Variants in SCN11A observed in about 807,000 individuals in gnomAD.
SCN11A encodes sodium channel protein type 11 subunit alpha.
SCN11A carries 122 observed loss-of-function variants against 162.2 expected under a neutral mutation model. That is an observed-to-expected ratio of 0.75 (90% CI 0.65 to 0.87). The LOEUF is 0.87. Ranked by LOEUF, SCN11A falls within the 40% of genes least tolerant of loss-of-function variation. SCN11A has a pLI of 0.00. For missense variants in SCN11A, 2,015 were observed against 2,181.6 expected (o/e 0.92, Z 1.52); for synonymous variants, 758 against 751.5 (o/e 1.01, Z -0.14).
chr3:39,004,135 AG>A (rs1226165814), intron 2 of SCN11A, among the ~76,000 whole-genome samples: 1 of 152,092 alleles, frequency 6.6e-6, no homozygotes, highest in Non-Finnish European at 1.5e-5. Flanking sequence ...GTTGTCTGCC[AG>A]GGTTTTTATA....
chr3:39,010,294 A>G (rs533545664), intron 2 of SCN11A, among the ~76,000 whole-genome samples: 1 of 152,202 alleles, frequency 6.6e-6, no homozygotes, highest in African/African-American at 2.4e-5. Context: ...CTGTGGAATT[A>G]TTTGACTCTA....
chr3:39,029,054 C>T (rs1037159356), intron 2 of SCN11A, among the ~76,000 whole-genome samples: 1 of 152,218 alleles, frequency 6.6e-6, no homozygotes, highest in Non-Finnish European at 1.5e-5. Flanking sequence ...TTCATTTAAT[C>T]TGTCATGGTC....
chr3:38,859,361 C>T (rs1008084654), intron 28 of SCN11A, among the ~76,000 whole-genome samples: 6 of 151,726 alleles, frequency 4.0e-5, no homozygotes, highest in East Asian at 1.9e-4. Context: ...CACAGAAATA[C>T]GAAAGATCAT....
At chr3:39,047,043 C>T (rs1407432494) in intron 1 of SCN11A, among the ~76,000 whole-genome samples, 2 of 63,914 alleles carry the variant, frequency 3.1e-5, no homozygotes, top group Non-Finnish European at 6.0e-5. Context: ...CCCCCACCCC[C>T]ATCCCCCCAC....
chr3:38,944,412 C>T lies in SCN11A; in HGVS notation c.488+999G>A, dbSNP rs918009206. 1.8e-4 allele frequency among the ~76,000 whole-genome samples: 27 copies of T among 151,724 alleles called. No homozygotes were observed. The South Asian group carries it at 3.3e-3, about 19-fold the overall frequency. On this transcript the variant is annotated intron_variant, in intron 7 of 29. Transcript: ENST00000302328. Reference sequence around the variant, plus strand: ...GGCTCACTGGGCTCACTGCAAGCTCCGCCTCCCAGGTTCATGCCATTCTCC... The same window carrying T: ...GGCTCACTGGGCTCACTGCAAGCTCTGCCTCCCAGGTTCATGCCATTCTCC...
chr3:38,972,343 C>G (rs1039400923), intron 2 of SCN11A, among the ~76,000 whole-genome samples: 1 of 152,132 alleles, frequency 6.6e-6, no homozygotes, highest in African/African-American at 2.4e-5. Context: ...GGTCCTTTTA[C>G]CTATGCTCTG....
At chr3:38,942,143 CAGG>C (rs965410126) in intron 7 of SCN11A, among the ~76,000 whole-genome samples, 43 of 151,948 alleles carry the variant, frequency 2.8e-4, no homozygotes, top group African/African-American at 9.9e-4. Flanking sequence ...ATGAATACAT[CAGG>C]AGGATAATAA....
At chr3:38,893,993 T>C (rs1435450346) in intron 19 of SCN11A, among the ~76,000 whole-genome samples, 1 of 152,078 alleles carries the variant, frequency 6.6e-6, no homozygotes, top group Non-Finnish European at 1.5e-5. Flanking sequence ...GAAATAAATT[T>C]CTCTTGTTTA....
At chr3:38,997,275 G>A (rs1245958168) in intron 2 of SCN11A, among the ~76,000 whole-genome samples, 1 of 152,128 alleles carries the variant, frequency 6.6e-6, no homozygotes, top group Non-Finnish European at 1.5e-5. Flanking sequence ...AACCACATCA[G>A]TCTTCCTGAT....
At chr3:38,963,613 A>G (rs1296467592) in intron 2 of SCN11A, among the ~76,000 whole-genome samples, 1 of 151,796 alleles carries the variant, frequency 6.6e-6, no homozygotes, top group Admixed American at 6.6e-5. Context: ...ATTCAAGTGA[A>G]GTAACTCAGG....
intron 21 of SCN11A, among the ~76,000 whole-genome samples, chr3:38,884,087 G>T (rs1201638003): frequency 6.6e-6 from 1 of 152,156 alleles, no homozygotes; most frequent in Non-Finnish European, 1.5e-5. Flanking sequence ...AAATTCTGCT[G>T]ATCCTTATTC....
chr3:38,931,397 C>G (rs369408653), intron 7 of SCN11A, among the ~76,000 whole-genome samples: 1 of 152,182 alleles, frequency 6.6e-6, no homozygotes, highest in South Asian at 2.1e-4. Context: ...AGTCTGACCA[C>G]TAACCGGTGT....
At chr3:38,973,208 G>C (rs1292969428) in intron 2 of SCN11A, among the ~76,000 whole-genome samples, 5 of 152,136 alleles carry the variant, frequency 3.3e-5, no homozygotes, top group African/African-American at 9.7e-5. Context: ...TTAATCTTAT[G>C]TTTAGAAACT....
In SCN11A at chr3:38,847,603, A is replaced by G. The variant is rs377055338; in HGVS notation, c.4467T>C (p.Ala1489=). The change falls in exon 30 of 30, where the codon GCT becomes GCC. Residue 1489 remains alanine (A), a synonymous_variant. Transcript: ENST00000302328. ...ACAGAGAAGGAAGCGACATCATCAG[A>G]GCAAAGAGGAGAGTCCTGATTCCTC... is the stretch of plus-strand genomic sequence containing the variant. ...AARGIRTLLF[A]LMMSLPSLFN... The G allele has an allele frequency of 6.2e-7, 1 of 1,614,204 alleles. No homozygotes were observed. Among genetic ancestry groups the G allele is most frequent in the African/African-American group, 1.3e-5 (1 of 75,048 alleles).
chr3:38,937,614 A>C (rs879565310), intron 7 of SCN11A, among the ~76,000 whole-genome samples: 2 of 149,890 alleles, frequency 1.3e-5, no homozygotes, highest in Non-Finnish European at 3.0e-5. Flanking sequence ...CAAAAAACAC[A>C]TGAAAAAATG....
intron 8 of SCN11A, among the ~76,000 whole-genome samples, chr3:38,925,790 T>C (rs530084279): frequency 1.4e-4 from 21 of 152,362 alleles, no homozygotes; most frequent in South Asian, 4.1e-4. Context: ...CCATGAATAA[T>C]AGAAGTCCTC....
rs139050502 is a variant in SCN11A at position 39,032,770 on chromosome 3, T to C, written c.-403-267A>G. ...TGAATATTTCCTGCATACTAAGTGC[T>C]ATGCTAAGATCATCTCATTTGAATT... On this transcript the variant is annotated intron_variant, in intron 1 of 29. Transcript: ENST00000302328. 3.4e-3 allele frequency among the ~76,000 whole-genome samples: 515 copies of C among 152,348 alleles called. 3 individuals are homozygous for C. The highest frequency in any genetic ancestry group is 0.011 in the African/African-American group (444 of 41,580).
At chr3:38,877,127 GTATATACTATATA>G (rs1465518458) in intron 23 of SCN11A, among the ~76,000 whole-genome samples, 1 of 33,110 alleles carries the variant, frequency 3.0e-5, no homozygotes, top group African/African-American at 1.2e-4. Flanking sequence ...TATATATGGT[GTATATACTATATA>G]TATGGTATAT....
intron 13 of SCN11A, 61 bp from the exon 14 acceptor site, chr3:38,908,183 T>G (rs1299895166): frequency 6.8e-7 from 1 of 1,467,706 alleles, no homozygotes; most frequent in East Asian, 2.3e-5. Flanking sequence ...ACATTGCAAA[T>G]GACCCCGACC....
Sources: allele counts gnomAD v4.1 joint callset (sites outside exome capture counted in the v4.1 genomes callset), GRCh38; gene constraint gnomAD v4.1.1; transcripts MANE v1.5; gene names NCBI Gene and HGNC (gene_info 2026-07-23, HGNC 2026-07-21).